Variants in LOC400499 observed in about 807,000 individuals in gnomAD.
the LOC400499 span, chr16:11,417,536 G>A: frequency 2.5e-6 from 1 of 398,166 alleles, no homozygotes; most frequent in Non-Finnish European, 4.4e-6. Flanking sequence ...GGACTTGACA[G>A]GAGTGCCACC....
chr16:11,497,794 T>C, the LOC400499 span, among the ~76,000 whole-genome samples: 5 of 150,076 alleles, frequency 3.3e-5, no homozygotes, highest in Non-Finnish European at 7.4e-5. Context: ...AGAAACCACA[T>C]CGCAAAGAGA....
chr16:11,515,803 A>AAAGGGAGGAGGAGGAC, the LOC400499 span: 3 of 397,006 alleles, frequency 7.6e-6, no homozygotes, highest in Non-Finnish European at 4.4e-6. Flanking sequence ...AGGAGGAGGA[A>AAAGGGAGGAGGAGGAC]GAGGAAGAAG....
At chr16:11,521,701 C>G in the LOC400499 span, among the ~76,000 whole-genome samples, 70 of 152,320 alleles carry the variant, frequency 4.6e-4, no homozygotes, top group African/African-American at 1.6e-3. Flanking sequence ...CGAACTCCCC[C>G]AACCTGCCCT....
the LOC400499 span, among the ~76,000 whole-genome samples, chr16:11,451,682 G>A: frequency 6.6e-6 from 1 of 152,342 alleles, no homozygotes; most frequent in East Asian, 1.9e-4. Flanking sequence ...AAGGCTTCTA[G>A]GAGGAAGTGA....
chr16:11,461,171 A>C, the LOC400499 span: 1 of 1,482,606 alleles, frequency 6.7e-7, no homozygotes, highest in Non-Finnish European at 9.0e-7. Context: ...AGGGACCAGC[A>C]CCCCCATCCC....
the LOC400499 span, among the ~76,000 whole-genome samples, chr16:11,428,943 G>A: frequency 6.6e-6 from 1 of 152,158 alleles, no homozygotes; most frequent in Non-Finnish European, 1.5e-5. Context: ...GGGAGGGGGA[G>A]GGGGAGAAGC....
the LOC400499 span, among the ~76,000 whole-genome samples, chr16:11,436,110 C>T: frequency 9.2e-5 from 14 of 152,296 alleles, no homozygotes; most frequent in African/African-American, 2.2e-4. Flanking sequence ...TTGTCCTTTC[C>T]ACCACATGTG....
chr16:11,383,139 C>T, the LOC400499 span, among the ~76,000 whole-genome samples: 4 of 151,776 alleles, frequency 2.6e-5, no homozygotes, highest in Middle Eastern at 3.4e-3. Context: ...AGTCTCAGCT[C>T]ACTGCAAGCT....
the LOC400499 span, among the ~76,000 whole-genome samples, chr16:11,376,045 A>C: frequency 1.3e-5 from 2 of 152,128 alleles, no homozygotes; most frequent in Non-Finnish European, 2.9e-5. Context: ...GGCCCTTTGT[A>C]CATTGTTGAA....
the LOC400499 span, among the ~76,000 whole-genome samples, chr16:11,451,038 A>G: frequency 3.3e-5 from 5 of 152,334 alleles, no homozygotes; most frequent in East Asian, 7.7e-4. Context: ...AACTCATCCA[A>G]TCGCACCATG....
chr16:11,417,125 C>A, the LOC400499 span, among the ~76,000 whole-genome samples: 1 of 152,016 alleles, frequency 6.6e-6, no homozygotes, highest in Non-Finnish European at 1.5e-5. Context: ...CCCCCCTCAC[C>A]CTCTGTCCTG....
the LOC400499 span, chr16:11,500,712 C>T: frequency 7.5e-6 from 3 of 397,484 alleles, no homozygotes; most frequent in Non-Finnish European, 1.3e-5. Context: ...GAGGGGCTGG[C>T]ACAAAAGAAC....
chr16:11,406,403 C>G, the LOC400499 span, among the ~76,000 whole-genome samples: 3 of 152,132 alleles, frequency 2.0e-5, no homozygotes, highest in Non-Finnish European at 2.9e-5. Flanking sequence ...CTTTACCTGC[C>G]TCGAATGCCC....
the LOC400499 span, among the ~76,000 whole-genome samples, chr16:11,379,662 GGGACTTCCCGATGGGGAA>G: frequency 6.6e-6 from 1 of 152,186 alleles, no homozygotes; most frequent in African/African-American, 2.4e-5. Flanking sequence ...CATTACTGAC[GGGACTTCCCGATGGGGAA>G]GGACTTCCTG....
At chr16:11,397,388 C>T in the LOC400499 span, among the ~76,000 whole-genome samples, 16,221 of 152,178 alleles carry the variant, frequency 0.11, 1,405 homozygotes, top group Admixed American at 0.28. Context: ...ATTCTCCTAC[C>T]TCAGCCTCCT....
the LOC400499 span, chr16:11,401,459 C>T: frequency 2.5e-6 from 1 of 399,284 alleles, no homozygotes; most frequent in Admixed American, 4.4e-5. Flanking sequence ...GACTGCACCT[C>T]TTTCCCACCC....
At chr16:11,515,868 CCAGCCCAGCCCAGCCCAGCCCAGCCTAG>C in the LOC400499 span, 2 of 34,472 alleles carry the variant, frequency 5.8e-5, no homozygotes, top group Non-Finnish European at 8.1e-5. Flanking sequence ...CCAGCCCAGC[CCAGCCCAGCCCAGCCCAGCCCAGCCTAG>C]CCCAGCCCAG....
chr16:11,401,206 T>C, the LOC400499 span: 2 of 398,854 alleles, frequency 5.0e-6, no homozygotes, highest in Non-Finnish European at 8.8e-6. Context: ...CCCCACAGGC[T>C]CAGTCACGCG....
chr16:11,481,690 T>G, the LOC400499 span, among the ~76,000 whole-genome samples: 1 of 152,110 alleles, frequency 6.6e-6, no homozygotes. Context: ...TGGAGTGCAG[T>G]GGTGCTATCT....
Sources: gnomAD v4.1 joint callset for allele counts (sites outside exome capture counted in the v4.1 genomes callset) on GRCh38, gnomAD v4.1.1 for gene constraint, MANE v1.5 for transcripts.